The following RBM20 variants were observed in gnomAD, a reference collection of about 807,000 sequenced individuals.
RBM20 encodes RNA-binding protein 20.
RBM20 carries 51 observed loss-of-function variants against 110.1 expected under a neutral mutation model. The observed-to-expected ratio is 0.46, with a 90% CI of 0.37 to 0.59. The LOEUF is 0.59. Ranked by LOEUF, RBM20 falls within the 20% of genes least tolerant of loss-of-function variation. The pLI is 0.00. For missense variants in RBM20, 1,512 were observed against 1,574.9 expected (o/e 0.96, Z 0.68); for synonymous variants, 589 against 618.2 (o/e 0.95, Z 0.70).
At chr10:110,819,506 A>G (rs953451406) in intron 9 of RBM20, among the ~76,000 whole-genome samples, 6 of 152,322 alleles carry the variant, frequency 3.9e-5, no homozygotes, top group African/African-American at 1.4e-4. Flanking sequence ...AGACATGCGC[A>G]CTACTGTGAG....
intron 1 of RBM20, among the ~76,000 whole-genome samples, chr10:110,780,462 A>T (rs537352389): frequency 1.3e-5 from 2 of 152,360 alleles, no homozygotes; most frequent in African/African-American, 4.8e-5. Flanking sequence ...TGCGTTGATT[A>T]TCATTGACAT....
intron 12 of RBM20, among the ~76,000 whole-genome samples, chr10:110,830,578 T>C (rs3950000): frequency 0.3 from 45,600 of 152,076 alleles, 7,032 homozygotes; most frequent in East Asian, 0.33. Context: ...GGTGATTTTT[T>C]CCTTCCTTTT....
At chr10:110,826,446 C>T (rs1844981920) in intron 12 of RBM20, among the ~76,000 whole-genome samples, 1 of 152,148 alleles carries the variant, frequency 6.6e-6, no homozygotes, top group African/African-American at 2.4e-5. Context: ...CTTTCTGTCA[C>T]TAAATATTAG....
intron 5 of RBM20, among the ~76,000 whole-genome samples, chr10:110,796,442 A>G (rs905461245): frequency 6.6e-6 from 1 of 152,266 alleles, no homozygotes; most frequent in African/African-American, 2.4e-5. Flanking sequence ...ATGGCATTAT[A>G]GTACACATAC....
At chr10:110,668,430 G>A (rs982621005) in intron 1 of RBM20, among the ~76,000 whole-genome samples, 2 of 152,204 alleles carry the variant, frequency 1.3e-5, no homozygotes, top group Non-Finnish European at 2.9e-5. Flanking sequence ...ATTTTGTGAT[G>A]CGTAAAGTCT....
In RBM20 at chr10:110,839,025, C is replaced by G. The variant is rs1043104885; in HGVS notation, c.*3047C>G. ...TTTTGTCAACCATTTCAAAGTGTCT[C>G]CCAAAAAAGGATGCTGAAGAGCAAT... On this transcript the variant is annotated 3_prime_UTR_variant, in exon 14 of 14. Coordinates refer to ENST00000369519, the MANE Select transcript of RBM20 (RefSeq NM_001134363.3). The G allele has an allele frequency of 1.3e-5, 2 of 152,120 alleles. No homozygotes were observed. Among genetic ancestry groups the G allele is most frequent in the African/African-American group, 4.8e-5 (2 of 41,414 alleles). The allele number at this position is 152,120 out of a possible 1,614,324, so 9.4% of individuals were successfully genotyped here.
rs1289132704 is a variant in RBM20, at chr10:110,784,420, G to A, written c.1417G>A (p.Ala473Thr). 3 of 1,551,268 alleles carry A rather than the reference G, an allele frequency of 1.9e-6. No homozygotes were observed. In the Admixed American group the frequency reaches 5.9e-5, roughly 30 times the overall value. Reference protein sequence around the residue: ...SPNSTAVYNPAGNEDYASNLG... With the variant: ...SPNSTAVYNPTGNEDYASNLG... ...CAACAGCACAGCTGTTTATAACCCT[G>A]CTGGGAATGAAGGTGAGCAAGGCCC... Residue 473 changes from alanine to threonine, a missense_variant, in exon 4 of 14, where the codon GCT (alanine) becomes ACT (threonine). Physicochemically the swap from Ala to Thr is moderately conservative, Grantham distance 58. Coordinates refer to ENST00000369519, the MANE Select transcript of RBM20 (RefSeq NM_001134363.3).
chr10:110,644,315 C>T (rs1181577736), upstream of RBM20: 1 of 576,878 alleles, frequency 1.7e-6, no homozygotes, highest in East Asian at 3.5e-5. The surrounding 1 kb of genome is among the most constrained non-coding windows in gnomAD (Gnocchi z 4.3). Flanking sequence ...GCCTCCTCCC[C>T]GCCCCTCGCG....
chr10:110,772,657 A>T (rs543084589), intron 1 of RBM20, among the ~76,000 whole-genome samples: 2 of 152,216 alleles, frequency 1.3e-5, no homozygotes, highest in Admixed American at 1.3e-4. Flanking sequence ...TGTTCGCATG[A>T]CAAAATTGCC....
intron 1 of RBM20, among the ~76,000 whole-genome samples, chr10:110,678,638 T>G (rs1862377353): frequency 6.6e-6 from 1 of 152,206 alleles, no homozygotes; most frequent in Non-Finnish European, 1.5e-5. Flanking sequence ...TGAACTTGGC[T>G]TCTCTGAGAC....
rs911849174 is a variant in RBM20 at position 110,781,548 on chromosome 10, G to A, written c.939G>A (p.Gln313=). Residue 313 remains glutamine (Q), a synonymous_variant, in exon 2 of 14, where the codon CAG becomes CAA. Transcript: ENST00000369519. ...AAAGTGAGGTCGGGCCACTGCTGCA[G>A]GGCACAAACAGCCAATGGGAGAGCC... is the stretch of plus-strand genomic sequence containing the variant. The part of the protein sequence containing the change: ...GLKSEVGPLL[Q]GTNSQWESPH... The A allele has an allele frequency of 6.4e-7, 1 of 1,551,712 alleles. No homozygotes were observed. Among genetic ancestry groups the A allele is most frequent in the Admixed American group, 2.0e-5 (1 of 51,000 alleles).
intron 1 of RBM20, among the ~76,000 whole-genome samples, chr10:110,770,681 C>T (rs1192490282): frequency 6.6e-6 from 1 of 152,176 alleles, no homozygotes; most frequent in African/African-American, 2.4e-5. Flanking sequence ...TAAAATTAAT[C>T]CAAAATTCTT....
chr10:110,788,065 A>G (rs1458957629), intron 5 of RBM20, among the ~76,000 whole-genome samples: 1 of 152,040 alleles, frequency 6.6e-6, no homozygotes, highest in Non-Finnish European at 1.5e-5. Flanking sequence ...GAGGCCACAT[A>G]GCTGGTAAAT....
chr10:110,783,761 C>A (rs1005346043), intron 3 of RBM20, among the ~76,000 whole-genome samples: 3 of 152,174 alleles, frequency 2.0e-5, no homozygotes, highest in Non-Finnish European at 4.4e-5. Flanking sequence ...ATTTTAAATA[C>A]TTTGAAAATA....
At chr10:110,827,223 A>G (rs1844993136) in intron 12 of RBM20, among the ~76,000 whole-genome samples, 1 of 152,082 alleles carries the variant, frequency 6.6e-6, no homozygotes, top group Non-Finnish European at 1.5e-5. Flanking sequence ...AAAATAAAAT[A>G]AAATAAAACT....
chr10:110,826,663 A>C (rs1324479704), intron 12 of RBM20, among the ~76,000 whole-genome samples: 1 of 150,816 alleles, frequency 6.6e-6, no homozygotes, highest in Non-Finnish European at 1.5e-5. Flanking sequence ...GCTCACTGCA[A>C]CCTCCACCTC....
At chr10:110,766,879 T>C (rs1844094689) in intron 1 of RBM20, among the ~76,000 whole-genome samples, 1 of 148,406 alleles carries the variant, frequency 6.7e-6, no homozygotes, top group South Asian at 2.2e-4. Flanking sequence ...GCAGAGGGGC[T>C]CCTCACTTCC....
intron 1 of RBM20, among the ~76,000 whole-genome samples, chr10:110,738,849 C>A (rs1055467765): frequency 6.6e-6 from 1 of 151,558 alleles, no homozygotes; most frequent in African/African-American, 2.4e-5. Context: ...GGGCTGCAGC[C>A]TTTGTGCCTG....
intron 12 of RBM20, among the ~76,000 whole-genome samples, chr10:110,824,299 C>A (rs1844954824): frequency 6.6e-6 from 1 of 152,178 alleles, no homozygotes; most frequent in South Asian, 2.1e-4. Context: ...AAATGAACTT[C>A]GTCTGCTATT....
Sources: allele counts gnomAD v4.1 joint callset (sites outside exome capture counted in the v4.1 genomes callset), GRCh38; gene constraint gnomAD v4.1.1; non-coding constraint Gnocchi (gnomAD v3.1); transcripts MANE v1.5; gene names NCBI Gene and HGNC (gene_info 2026-07-23, HGNC 2026-07-21).